CSMD1: variants seen among roughly 807,000 people sequenced by gnomAD.
The protein encoded by CSMD1 is CUB and Sushi multiple domains 1.
A neutral mutation model predicts 417.5 loss-of-function variants in CSMD1; 213 were observed. The ratio of observed to expected loss-of-function variants is 0.51; its 90% confidence interval spans 0.46 to 0.57. The LOEUF (loss-of-function observed/expected upper bound fraction) is 0.57, where lower values mean the gene tolerates loss of function less well. Among genes scored for constraint, CSMD1 ranks in the 20% least tolerant of loss-of-function variants. The probability of loss-of-function intolerance (pLI) is 0.00; values close to 1 mark genes in which losing one functional copy is unlikely to be tolerated. For missense variants in CSMD1, 6,923 were observed against 4,529.7 expected (o/e 1.53, Z -15.17); for synonymous variants, 2,862 against 1,736.8 (o/e 1.65, Z -16.11).
At chr8:4,249,106 A>G (rs1802890855) in intron 3 of CSMD1, among the ~76,000 whole-genome samples, 1 of 152,154 alleles carries the variant, frequency 6.6e-6, no homozygotes, top group African/African-American at 2.4e-5. Flanking sequence ...AGACTTCTCA[A>G]CCTTTCCCCA....
intron 5 of CSMD1, among the ~76,000 whole-genome samples, chr8:3,834,630 G>C (rs1802572676): frequency 6.6e-6 from 1 of 152,204 alleles, no homozygotes; most frequent in Non-Finnish European, 1.5e-5. Context: ...AGAGTTCTTT[G>C]AGTCTTTTTA....
chr8:3,216,268 A>T (rs952242113), intron 29 of CSMD1, among the ~76,000 whole-genome samples: 5 of 152,234 alleles, frequency 3.3e-5, no homozygotes, highest in Non-Finnish European at 7.4e-5. Flanking sequence ...TTTTAAGCAA[A>T]TACAGATCAA....
intron 3 of CSMD1, among the ~76,000 whole-genome samples, chr8:4,310,799 C>T (rs958093436): frequency 1.3e-5 from 2 of 152,198 alleles, no homozygotes; most frequent in African/African-American, 4.8e-5. Flanking sequence ...AAGAAATTCA[C>T]ATTAGATCTC....
In CSMD1 at chr8:3,424,700, T is replaced by A. The variant is rs139110191; in HGVS notation, c.1562-15095A>T. 9.2e-5 allele frequency among the ~76,000 whole-genome samples: 14 copies of A among 152,370 alleles called. No homozygotes were observed. In the East Asian group the frequency reaches 2.7e-3, roughly 29 times the overall value. On this transcript the variant is annotated intron_variant, in intron 12 of 69. Coordinates refer to ENST00000635120, the MANE Select transcript of CSMD1 (RefSeq NM_033225.6). The stretch of plus-strand genomic sequence containing the variant: ...ATGATCTTACTTCCTTTGCCATTTC[T>A]ATCAGGAAGGAATTGTCCTTCTTGA...
chr8:4,876,258 C>A (rs1425690260), intron 1 of CSMD1, among the ~76,000 whole-genome samples: 2 of 152,018 alleles, frequency 1.3e-5, no homozygotes, highest in Non-Finnish European at 2.9e-5. Flanking sequence ...TAATATTACC[C>A]TCCATGACAA....
intron 10 of CSMD1, among the ~76,000 whole-genome samples, chr8:3,515,008 G>C (rs542702490): frequency 2.0e-5 from 3 of 152,086 alleles, no homozygotes; most frequent in Non-Finnish European, 2.9e-5. Flanking sequence ...TGAAATTAAA[G>C]CCTAACATTT....
Position 4,419,943 on chromosome 8 carries a change from A to C in CSMD1, c.415+10T>G, listed in dbSNP as rs775804528. On this transcript the variant is annotated intron_variant, in intron 3 of 69. Coordinates refer to ENST00000635120, the MANE Select transcript of CSMD1 (RefSeq NM_033225.6). ...GTGAATGCATGTGCAAAACACAACCAATCTCCTACCTTCATATAATGCTTT... is the reference window on the plus strand; with the variant it reads ...GTGAATGCATGTGCAAAACACAACCCATCTCCTACCTTCATATAATGCTTT... 19 of 1,535,950 alleles carry C rather than the reference A, an allele frequency of 1.2e-5. No homozygotes were observed. In the East Asian group the frequency reaches 2.8e-4, roughly 23 times the overall value.
chr8:4,208,360 G>C lies in CSMD1; in HGVS notation c.416-176261C>G, dbSNP rs535658130. The stretch of plus-strand genomic sequence containing the variant: ...TATTTGAATCCTTCCTGGAGTAAGA[G>C]GGAAGCATTTCCCCAAGGAATTGAG... On this transcript the variant is annotated intron_variant, in intron 3 of 69. Coordinates refer to ENST00000635120, the MANE Select transcript of CSMD1 (RefSeq NM_033225.6). Among the ~76,000 whole-genome samples the C allele has an allele frequency of 2.2e-4, 34 of 152,242 alleles. No homozygotes were observed. In the South Asian group the frequency reaches 6.8e-3, roughly 31 times the overall value.
chr8:3,395,255 A>T (rs1428796470), intron 17 of CSMD1, among the ~76,000 whole-genome samples: 2 of 152,200 alleles, frequency 1.3e-5, no homozygotes, highest in Non-Finnish European at 2.9e-5. Flanking sequence ...ACAGCCATAA[A>T]ACTTTGGCAA....
At chr8:4,512,350 T>G (rs1054997226) in intron 2 of CSMD1, among the ~76,000 whole-genome samples, 1 of 152,168 alleles carries the variant, frequency 6.6e-6, no homozygotes, top group African/African-American at 2.4e-5. Flanking sequence ...TAATGAAAAC[T>G]CAAAGCTTTC....
At chr8:4,507,564 C>G (rs568790910) in intron 2 of CSMD1, among the ~76,000 whole-genome samples, 1 of 152,148 alleles carries the variant, frequency 6.6e-6, no homozygotes, top group Non-Finnish European at 1.5e-5. Context: ...TATGCATGGA[C>G]ATGCATGTTA....
At chr8:3,464,715 G>A (rs946126600) in intron 12 of CSMD1, among the ~76,000 whole-genome samples, 1 of 151,788 alleles carries the variant, frequency 6.6e-6, no homozygotes, top group South Asian at 2.1e-4. Context: ...TATAGAGTTT[G>A]CTTATGAATG....
In CSMD1 at chr8:4,665,180, C is replaced by T. The variant is rs28410526; in HGVS notation, c.86-27622G>A. On this transcript the variant is annotated intron_variant, in intron 1 of 69. Coordinates refer to ENST00000635120, the MANE Select transcript of CSMD1 (RefSeq NM_033225.6). ...CTTTCTTAGGTCTTTTCTGTTTGTC[C>T]ATTTGCCAAACCCTGGCGGCTTCTT... Among the ~76,000 whole-genome samples the T allele has an allele frequency of 2.0e-3, 300 of 152,156 alleles. 1 individual carries two copies. Among genetic ancestry groups the T allele is most frequent in the African/African-American group, 6.7e-3 (280 of 41,496 alleles).
chr8:4,508,852 A>T (rs1349594786), intron 2 of CSMD1, among the ~76,000 whole-genome samples: 1 of 152,134 alleles, frequency 6.6e-6, no homozygotes, highest in Non-Finnish European at 1.5e-5. Flanking sequence ...TTTGGAATGT[A>T]AGCTTTCTGG....
chr8:4,186,733 T>C (rs2131197375), intron 3 of CSMD1, among the ~76,000 whole-genome samples: 1 of 151,858 alleles, frequency 6.6e-6, no homozygotes, highest in East Asian at 1.9e-4. Context: ...ACACCTGTAA[T>C]CCCAGCAATT....
Position 3,084,399 on chromosome 8 carries a change from T to C in CSMD1, c.7474+2698A>G, listed in dbSNP as rs562040413. ...TTAGCCGGCTATGGTGGTGGGTGCC[T>C]GTAATCCCAGTTACTTGGGAGGCTG... On this transcript the variant is annotated intron_variant, in intron 49 of 69. Transcript: ENST00000635120. Among the ~76,000 whole-genome samples, 203 of 151,902 alleles carry C rather than the reference T, an allele frequency of 1.3e-3. 1 individual carries two copies. Among genetic ancestry groups the C allele is most frequent in the Non-Finnish European group, 2.3e-3 (157 of 67,960 alleles).
At chr8:3,454,038 G>C (rs991489553) in intron 12 of CSMD1, among the ~76,000 whole-genome samples, 2 of 152,122 alleles carry the variant, frequency 1.3e-5, no homozygotes, top group Non-Finnish European at 2.9e-5. Flanking sequence ...AGCTCTTCTT[G>C]TTGAATTGAT....
Position 3,995,231 on chromosome 8 carries a change from A to G in CSMD1, c.818+2672T>C, listed in dbSNP as rs372594539. Among the ~76,000 whole-genome samples the G allele has an allele frequency of 4.1e-4, 62 of 152,310 alleles. No individual in the cohort carries two copies. The East Asian group carries it at 0.011, about 27-fold the overall frequency. ...TTTAAATGTGCTCCTGTAGGTTTCC[A>G]TAGTTATTTAGGAGAACCATCTTTT... On this transcript the variant is annotated intron_variant, in intron 5 of 69. Coordinates refer to ENST00000635120, the MANE Select transcript of CSMD1 (RefSeq NM_033225.6).
chr8:4,323,806 G>A lies in CSMD1; in HGVS notation c.415+96147C>T, dbSNP rs182999009. ...TATCTTGACTTATTGAACCATAAAG[G>A]ATGGGCAGCTCCTAATAACCTCCTC... On this transcript the variant is annotated intron_variant, in intron 3 of 69. Coordinates refer to ENST00000635120, the MANE Select transcript of CSMD1 (RefSeq NM_033225.6). 7.9e-5 allele frequency among the ~76,000 whole-genome samples: 12 copies of A among 152,258 alleles called. No individual in the cohort carries two copies. The East Asian group carries it at 1.4e-3, about 17-fold the overall frequency.
Sources: allele counts gnomAD v4.1 joint callset (sites outside exome capture counted in the v4.1 genomes callset), GRCh38; gene constraint gnomAD v4.1.1; transcripts MANE v1.5; gene names NCBI Gene and HGNC (gene_info 2026-07-23, HGNC 2026-07-21).